Variants in PCMT1 observed in about 807,000 individuals in gnomAD.
The protein encoded by PCMT1 is protein-L-isoaspartate (D-aspartate) O-methyltransferase, also known as protein-L-isoaspartate(D-aspartate) O-methyltransferase.
PCMT1 carries 9 observed loss-of-function variants against 29.2 expected under a neutral mutation model. The ratio of observed to expected loss-of-function variants is 0.31; its 90% confidence interval spans 0.19 to 0.54. The LOEUF is 0.54. PCMT1 is among the 20% of genes least tolerant of loss of function. PCMT1 has a pLI of 0.95. For missense variants in PCMT1, 184 were observed against 282.2 expected, an observed-to-expected ratio of 0.65 and a Z score of 2.49; for synonymous variants, 98 against 97.5, an observed-to-expected ratio of 1.00 and a Z score of -0.03.
chr6:149,784,473 C>T (rs955363150), intron 3 of PCMT1, among the ~76,000 whole-genome samples: 2 of 151,658 alleles, frequency 1.3e-5, no homozygotes, highest in Non-Finnish European at 2.9e-5. Flanking sequence ...ATTTAACTCT[C>T]TCTTTTTTTT....
chr6:149,757,300 T>C (rs1786546829), intron 1 of PCMT1, among the ~76,000 whole-genome samples: 1 of 152,176 alleles, frequency 6.6e-6, no homozygotes, highest in African/African-American at 2.4e-5. Flanking sequence ...GAAGGTTCTT[T>C]TGGATTGCAG....
chr6:149,758,223 T>TTTTTTTTTTC (rs1215433831), intron 1 of PCMT1, among the ~76,000 whole-genome samples: 2 of 139,166 alleles, frequency 1.4e-5, no homozygotes, highest in African/African-American at 5.4e-5. Flanking sequence ...TTTTTTTTTT[T>TTTTTTTTTTC]TTTCTGAGAC....
At chr6:149,764,838 G>C (rs1787005067) in intron 1 of PCMT1, among the ~76,000 whole-genome samples, 1 of 151,576 alleles carries the variant, frequency 6.6e-6, no homozygotes, top group South Asian at 2.1e-4. Context: ...TCAGAAGATC[G>C]AGACCATCCT....
intron 3 of PCMT1, among the ~76,000 whole-genome samples, chr6:149,784,307 C>T (rs552428847): frequency 1.3e-4 from 20 of 152,142 alleles, no homozygotes; most frequent in Admixed American, 4.6e-4. Context: ...TTTAAGCTCC[C>T]AAGTGCTTGG....
chr6:149,765,657 AT>A, intron 1 of PCMT1: 2 of 369,960 alleles, frequency 5.4e-6, no homozygotes, highest in East Asian at 1.0e-4. Flanking sequence ...TTATTTTTTT[AT>A]TTTTTATTTT....
At chr6:149,805,458 G>A (rs1399908021) in intron 7 of PCMT1, among the ~76,000 whole-genome samples, 1 of 151,704 alleles carries the variant, frequency 6.6e-6, no homozygotes, top group Non-Finnish European at 1.5e-5. Context: ...GCCGGGCGTG[G>A]TGGCAGGTAC....
At chr6:149,773,016 GAAAAAA>G in intron 2 of PCMT1, 116 bp from the exon 3 acceptor site, 40 of 423,158 alleles carry the variant, frequency 9.5e-5, no homozygotes, top group East Asian at 1.5e-4. Context: ...GACTGTCTCA[GAAAAAA>G]AAAAAAAAAA....
chr6:149,768,218 G>T (rs1389822451), intron 1 of PCMT1, among the ~76,000 whole-genome samples: 1 of 151,842 alleles, frequency 6.6e-6, no homozygotes, highest in Non-Finnish European at 1.5e-5. Flanking sequence ...CAGCCTCCAA[G>T]TAGCTGGGAC....
At chr6:149,761,752 C>T (rs1162149865) in intron 1 of PCMT1, among the ~76,000 whole-genome samples, 2 of 152,082 alleles carry the variant, frequency 1.3e-5, no homozygotes, top group Admixed American at 6.6e-5. Flanking sequence ...AGGGAGTTCC[C>T]GCTCTCATTT....
chr6:149,749,950 C>T lies in PCMT1; in HGVS notation c.49C>T (p.Leu17Phe). Residue 17 changes from leucine (L) to phenylalanine (F), a missense_variant, in exon 1 of 8, where the codon CTC (leucine) becomes TTC (phenylalanine). Leu to Phe is a conservative substitution (Grantham distance 22). Transcript: ENST00000464889. ...GASHSELIHN[L>F]RKNGIIKTDK... ...CAGCCACTCGGAGCTAATCCACAATCTCCGCAGTAAGTGCCACCTCCGCCC... is the reference window on the plus strand; with the variant it reads ...CAGCCACTCGGAGCTAATCCACAATTTCCGCAGTAAGTGCCACCTCCGCCC... The T allele has an allele frequency of 6.2e-7, 1 of 1,610,772 alleles. No individual in the cohort carries two copies. Among genetic ancestry groups the T allele is most frequent in the Non-Finnish European group, 8.5e-7 (1 of 1,178,716 alleles).
intron 1 of PCMT1, among the ~76,000 whole-genome samples, chr6:149,762,145 G>A (rs888710006): frequency 2.6e-5 from 4 of 151,436 alleles, no homozygotes; most frequent in South Asian, 4.2e-4. Context: ...TTTCACCCAC[G>A]CTTCAAGTTG....
Position 149,793,611 on chromosome 6 carries a change from A to C in PCMT1, c.360A>C (p.Val120=). ...TTAAAGAGCTAGTAGATGACTCAGTAAATAATGTCAGGAAGGACGATCCAA... is the reference window on the plus strand; with the variant it reads ...TTAAAGAGCTAGTAGATGACTCAGTCAATAATGTCAGGAAGGACGATCCAA... ...DHIKELVDDS[V]NNVRKDDPTL... The change falls in exon 5 of 8, where the codon GTA becomes GTC. Residue 120 remains valine (V), a synonymous_variant. Coordinates refer to ENST00000464889, the MANE Select transcript of PCMT1 (RefSeq NM_001360452.2). 1 of 1,570,908 alleles carries C rather than the reference A, an allele frequency of 6.4e-7. No individual in the cohort carries two copies.
At chr6:149,805,115 A>C (rs1486325983) in intron 7 of PCMT1, among the ~76,000 whole-genome samples, 1 of 151,978 alleles carries the variant, frequency 6.6e-6, no homozygotes. Flanking sequence ...AGTGGTGTGC[A>C]CCTCTAGTTC....
intron 1 of PCMT1, among the ~76,000 whole-genome samples, chr6:149,769,305 A>ATTTTT (rs1234622188): frequency 1.9e-4 from 9 of 48,086 alleles, no homozygotes; most frequent in African/African-American, 1.2e-3. Flanking sequence ...TTTGTGCAGG[A>ATTTTT]TTCTTTTTTT....
At chr6:149,794,165 T>C (rs1583049800) in intron 5 of PCMT1, among the ~76,000 whole-genome samples, 2 of 152,354 alleles carry the variant, frequency 1.3e-5, no homozygotes, top group South Asian at 4.1e-4. Flanking sequence ...GATATGTCTC[T>C]TATTATTTCT....
intron 3 of PCMT1, among the ~76,000 whole-genome samples, chr6:149,784,369 A>T (rs1787936481): frequency 6.6e-6 from 1 of 152,218 alleles, no homozygotes; most frequent in Admixed American, 6.5e-5. Context: ...AAATTATGGA[A>T]GAGTTCCAGT....
In PCMT1 at chr6:149,749,766, C is replaced by T; in HGVS notation, c.-136C>T. 1 of 1,547,720 alleles carries T rather than the reference C, an allele frequency of 6.5e-7. No homozygotes were observed. The highest frequency in any genetic ancestry group is 2.5e-5 in the East Asian group (1 of 40,796). ...GCAGTGGCGGCAGCGGCGGCGACGG[C>T]AGTAACAGCGGCAGCTACAGCGGGG... On this transcript the variant is annotated 5_prime_UTR_variant, in exon 1 of 8. Transcript: ENST00000464889.
chr6:149,752,798 C>T (rs1173380150), intron 1 of PCMT1, among the ~76,000 whole-genome samples: 1 of 152,126 alleles, frequency 6.6e-6, no homozygotes, highest in Non-Finnish European at 1.5e-5. Context: ...ATCAATCAGG[C>T]TCTTAAAGTC....
At chr6:149,759,455 A>G (rs1009162458) in intron 1 of PCMT1, among the ~76,000 whole-genome samples, 2 of 152,098 alleles carry the variant, frequency 1.3e-5, no homozygotes, top group African/African-American at 2.4e-5. Context: ...GAAAGTTTCT[A>G]TATGACTTGA....
Sources: allele counts gnomAD v4.1 joint callset (sites outside exome capture counted in the v4.1 genomes callset), GRCh38; gene constraint gnomAD v4.1.1; transcripts MANE v1.5; gene names NCBI Gene and HGNC (gene_info 2026-07-23, HGNC 2026-07-21).